Variants in TMEM8B observed in about 807,000 individuals in gnomAD.
The protein encoded by TMEM8B is transmembrane protein 8B, also known as nasopharyngeal carcinoma expressed 6.
Under a neutral mutation model 49.3 loss-of-function variants are expected in TMEM8B, and 29 were observed. The ratio of observed to expected loss-of-function variants is 0.59; its 90% CI spans 0.44 to 0.80. The LOEUF (loss-of-function observed/expected upper bound fraction) is 0.80. TMEM8B is among the 30% of genes least tolerant of loss of function. The pLI, the probability that TMEM8B is intolerant of heterozygous loss-of-function variation, is 0.00. For synonymous variants in TMEM8B, 264 were observed against 272.8 expected, an observed-to-expected ratio of 0.97 and a Z score of 0.32; for missense variants, 575 against 658.5, an observed-to-expected ratio of 0.87 and a Z score of 1.39.
chr9:35,833,549 T>A (rs185260866), intron 1 of TMEM8B, among the ~76,000 whole-genome samples: 2 of 152,228 alleles, frequency 1.3e-5, no homozygotes, highest in Admixed American at 6.5e-5. Context: ...CTGACAATCA[T>A]GATCAGGTAT....
chr9:35,853,074 C>A lies in TMEM8B; in HGVS notation c.2323-67C>A. 1 of 1,608,112 alleles carries A rather than the reference C, an allele frequency of 6.2e-7. No homozygotes were observed. Among genetic ancestry groups the A allele is most frequent in the South Asian group, 1.1e-5 (1 of 90,806 alleles). ...GCATTTCCAAGTGCCTCTCATGATT[C>A]TGACCCAGGCCCTGGAGTGCTGTCT... is the stretch of plus-strand genomic sequence containing the variant. On this transcript the variant is annotated intron_variant, in intron 11 of 12. Coordinates refer to ENST00000643932, the MANE Select transcript of TMEM8B (RefSeq NM_001042590.4). This position sits in a 1 kb window ranked among gnomAD's most constrained non-coding sequence, Gnocchi z 4.2.
rs561474513 is a variant in TMEM8B at position 35,841,218 on chromosome 9, C to T, written c.991C>T (p.Arg331Trp). The T allele has an allele frequency of 2.7e-4, 111 of 416,146 alleles. 1 individual carries two copies. The South Asian group carries it at 0.011, about 40-fold the overall frequency. 25.8% of individuals were successfully genotyped at this position (416,146 alleles called of 1,614,324 possible). Residue 331 changes from arginine to tryptophan, a missense_variant, in exon 4 of 13, where the codon CGG becomes TGG. Transcript: ENST00000643932. This position sits in a 1 kb window ranked among gnomAD's most constrained non-coding sequence, Gnocchi z 5.9. ...GGACGTCGCTGTGCTGGTTCCTGGC[C>T]GGCCCTCAGAGCAAACCCTCTCCCC... is the stretch of plus-strand genomic sequence containing the variant. The part of the protein sequence containing the change: ...LLDVAVLVPG[R>W]PSEQTLSPHN...
At chr9:35,832,303 C>G (rs1422450472) in intron 1 of TMEM8B, among the ~76,000 whole-genome samples, 2 of 152,140 alleles carry the variant, frequency 1.3e-5, no homozygotes, top group East Asian at 3.9e-4. Flanking sequence ...CGGTAAGGGC[C>G]TTACTCATGC....
Position 35,841,820 on chromosome 9 carries a change from T to A in TMEM8B, c.1309+26T>A. 2.4e-6 allele frequency: 1 copy of A among 415,966 alleles called. No individual in the cohort carries two copies. Among genetic ancestry groups the A allele is most frequent in the Non-Finnish European group, 4.4e-6 (1 of 226,478 alleles). 25.8% of individuals were successfully genotyped at this position (415,966 alleles called of 1,614,324 possible). A position where few individuals can be genotyped will look rare whatever the true frequency, so the allele number is the denominator to read the frequency against. On this transcript the variant is annotated intron_variant, in intron 5 of 12. Coordinates refer to ENST00000643932, the MANE Select transcript of TMEM8B (RefSeq NM_001042590.4). The surrounding 1 kb of genome is among the most constrained non-coding windows in gnomAD (Gnocchi z 5.9). The stretch of plus-strand genomic sequence containing the variant: ...GTCAGAACCCCTGCATTTGCCCCAG[T>A]CTGTGTAGACATCTGTGGTTGGGAA...
Position 35,853,273 on chromosome 9 carries a change from G to T in TMEM8B, c.2439+16G>T. The stretch of plus-strand genomic sequence containing the variant: ...CACAGCCTGGGTAAGGGTGGGGAGG[G>T]ATGTGGGGGGAGGGTCCCAGCAGGA... On this transcript the variant is annotated intron_variant, in intron 12 of 12. Transcript: ENST00000643932. This position sits in a 1 kb window ranked among gnomAD's most constrained non-coding sequence, Gnocchi z 4.2. 1 of 1,591,980 alleles carries T rather than the reference G, an allele frequency of 6.3e-7. No homozygotes were observed. Among genetic ancestry groups the T allele is most frequent in the Non-Finnish European group, 8.6e-7 (1 of 1,160,240 alleles).
chr9:35,847,919 A>G (rs1034795888), intron 10 of TMEM8B, among the ~76,000 whole-genome samples: 2 of 152,222 alleles, frequency 1.3e-5, no homozygotes, highest in Non-Finnish European at 1.5e-5. Context: ...ACATCTGGGA[A>G]TCTTTTCAAC....
At chr9:35,852,753 G>A in intron 10 of TMEM8B, 74 bp from the exon 11 acceptor site, 1 of 1,582,134 alleles carries the variant, frequency 6.3e-7, no homozygotes, top group Non-Finnish European at 8.6e-7. Context: ...ACCACCCCTG[G>A]GCCCACCCCT....
rs920086590 is a variant in TMEM8B at position 35,846,447 on chromosome 9, G to A, written c.1854-22G>A. The A allele has an allele frequency of 3.8e-6, 6 of 1,596,970 alleles. No homozygotes were observed. The African/African-American group carries it at 8.0e-5, about 21-fold the overall frequency. ...TGGCGGGGGTGGCCCGGGGCCCCAG[G>A]TGACTGCGAGTTTGTGCGCAGGTTC... On this transcript the variant is annotated intron_variant, in intron 8 of 12. Transcript: ENST00000643932.
intron 6 of TMEM8B, among the ~76,000 whole-genome samples, chr9:35,845,057 A>G (rs142462430): frequency 3.8e-4 from 58 of 152,342 alleles, no homozygotes; most frequent in African/African-American, 1.3e-3. Context: ...AGGAAGTTAT[A>G]TAAGGAAGTT....
intron 3 of TMEM8B, among the ~76,000 whole-genome samples, chr9:35,838,849 A>G (rs1256017458): frequency 6.6e-6 from 1 of 152,146 alleles, no homozygotes; most frequent in Non-Finnish European, 1.5e-5. Context: ...CTCACAAGCA[A>G]TCGTAAAGAA....
At position 35,842,656 on chromosome 9, in the gene TMEM8B, T is replaced by C. The variant is rs1831141456; in HGVS notation, c.1574T>C (p.Met525Thr). Residue 525 changes from methionine to threonine, a missense_variant, in exon 6 of 13, where the codon ATG (methionine) becomes ACG (threonine). By Grantham distance (81) the Met-to-Thr change is moderately conservative. Coordinates refer to ENST00000643932, the MANE Select transcript of TMEM8B (RefSeq NM_001042590.4). This position sits in a 1 kb window ranked among gnomAD's most constrained non-coding sequence, Gnocchi z 5.6. ...LPPERPAVFAMRLLPVLDSGG... is the reference protein window; with the variant it reads ...LPPERPAVFATRLLPVLDSGG... ...CCTGAGCGCCCAGCCGTGTTCGCCA[T>C]GAGGCTGTTGCCAGTGCTGGACAGT... The C allele has an allele frequency of 6.2e-7, 1 of 1,614,186 alleles. No homozygotes were observed.
Position 35,846,869 on chromosome 9 carries a change from C to T in TMEM8B, c.2049C>T (p.Phe683=), listed in dbSNP as rs1171990082. Residue 683 remains phenylalanine, a synonymous_variant, in exon 10 of 13, where the codon TTC becomes TTT. Transcript: ENST00000643932. ...TDSADALTYG[F]QLLSTLLLCL... ...GTGCAGATGCGCTCACCTATGGATT[C>T]CAGCTGCTGTCCACACTCCTGCTCT... is the stretch of plus-strand genomic sequence containing the variant. The T allele has an allele frequency of 6.2e-7, 1 of 1,614,224 alleles. No individual in the cohort carries two copies. Among genetic ancestry groups the T allele is most frequent in the African/African-American group, 1.3e-5 (1 of 75,056 alleles).
Position 35,863,649 on chromosome 9 carries a change from C to T in TMEM8B, c.*9809C>T, listed in dbSNP as rs752220713. 1.9e-4 allele frequency: 29 copies of T among 152,294 alleles called. No individual in the cohort carries two copies. Among genetic ancestry groups the T allele is most frequent in the African/African-American group, 5.8e-4 (24 of 41,564 alleles). 9.4% of individuals were successfully genotyped at this position (152,294 alleles called of 1,614,324 possible). A position where few individuals can be genotyped will look rare whatever the true frequency, so the allele number is the denominator to read the frequency against. ...TGCTACATGTCTACTGTGGCTTTCCCGGTGGCTCAGGGTTCTCAGAGCCCC... is the reference window on the plus strand; with the variant it reads ...TGCTACATGTCTACTGTGGCTTTCCTGGTGGCTCAGGGTTCTCAGAGCCCC... On this transcript the variant is annotated 3_prime_UTR_variant, in exon 13 of 13. Coordinates refer to ENST00000643932, the MANE Select transcript of TMEM8B (RefSeq NM_001042590.4).
intron 1 of TMEM8B, among the ~76,000 whole-genome samples, chr9:35,831,109 C>T (rs532178258): frequency 2.6e-5 from 4 of 152,212 alleles, no homozygotes; most frequent in South Asian, 2.1e-4. Flanking sequence ...CTTAAGGAGA[C>T]GAATGCACGT....
intron 1 of TMEM8B, among the ~76,000 whole-genome samples, chr9:35,833,651 C>A (rs1830138166): frequency 6.6e-6 from 1 of 152,150 alleles, no homozygotes; most frequent in African/African-American, 2.4e-5. Flanking sequence ...TCCACTGGGT[C>A]ACTAACTCAC....
chr9:35,830,409 T>A (rs987578019), intron 1 of TMEM8B, among the ~76,000 whole-genome samples: 1 of 152,204 alleles, frequency 6.6e-6, no homozygotes, highest in Non-Finnish European at 1.5e-5. Context: ...AGCAAATAGA[T>A]GAATATGGAT....
At position 35,855,127 on chromosome 9, in the gene TMEM8B, CA is replaced by C. The variant is rs1832470183; in HGVS notation, c.*1288del. The C allele has an allele frequency of 6.6e-6, 1 of 152,188 alleles. No homozygotes were observed. The highest frequency in any genetic ancestry group is 2.4e-5 in the African/African-American group (1 of 41,442). The allele number at this position is 152,188 out of a possible 1,614,324, so 9.4% of individuals were successfully genotyped here. A position where few individuals can be genotyped will look rare whatever the true frequency, so the allele number is the denominator to read the frequency against. ...AAGGTTCTCTCTGCCACTTCTGGGC[CA>C]TATGTGGAGACCCGTAAAGTTGTCT... On this transcript the variant is annotated 3_prime_UTR_variant, in exon 13 of 13. Transcript: ENST00000643932.
Position 35,865,266 on chromosome 9 carries a change from C to T in TMEM8B, c.*11426C>T, listed in dbSNP as rs994101271. On this transcript the variant is annotated 3_prime_UTR_variant, in exon 13 of 13. Coordinates refer to ENST00000643932, the MANE Select transcript of TMEM8B (RefSeq NM_001042590.4). ...ATGGGGTGTCTCCTTCCAGGATTGC[C>T]GTAAGGACCTGGATTCATCAAAGCT... 1.3e-5 allele frequency: 2 copies of T among 152,158 alleles called. No homozygotes were observed. Among genetic ancestry groups the T allele is most frequent in the Admixed American group, 1.3e-4 (2 of 15,286 alleles). The allele number at this position is 152,158 out of a possible 1,614,324, so 9.4% of individuals were successfully genotyped here.
rs1204611537 is a variant in TMEM8B, at chr9:35,853,846, G to T, written c.*6G>T. 2 of 1,528,638 alleles carry T rather than the reference G, an allele frequency of 1.3e-6. No homozygotes were observed. The highest frequency in any genetic ancestry group is 4.3e-5 in the Admixed American group (2 of 46,616). 94.7% of individuals were successfully genotyped at this position (1,528,638 alleles called of 1,614,324 possible). ...GCAGCATCTGTGCCAGCTGAGAGGG[G>T]CTTTGGGCCTGGCCCTGAGGGGATA... On this transcript the variant is annotated 3_prime_UTR_variant, in exon 13 of 13. Coordinates refer to ENST00000643932, the MANE Select transcript of TMEM8B (RefSeq NM_001042590.4). This position sits in a 1 kb window ranked among gnomAD's most constrained non-coding sequence, Gnocchi z 4.2.
Sources: allele counts gnomAD v4.1 joint callset (sites outside exome capture counted in the v4.1 genomes callset), GRCh38; gene constraint gnomAD v4.1.1; non-coding constraint Gnocchi (gnomAD v3.1); transcripts MANE v1.5; gene names NCBI Gene and HGNC (gene_info 2026-07-23, HGNC 2026-07-21).